The following DGKE variants were observed in gnomAD, a reference collection of about 807,000 sequenced individuals.
The protein encoded by DGKE is diacylglycerol kinase epsilon.
In DGKE, 53 loss-of-function variants were observed where a neutral mutation model predicts 70.0. That is an observed-to-expected ratio of 0.76 (90% CI 0.61 to 0.95). DGKE has a LOEUF of 0.95. Ranked by LOEUF, DGKE falls within the 40% of genes least tolerant of loss-of-function variation. The pLI is 0.00. For synonymous variants in DGKE, 291 were observed against 257.0 expected (o/e 1.13, Z -1.27); for missense variants, 655 against 706.9 (o/e 0.93, Z 0.83).
intron 9 of DGKE, 113 bp from the exon 10 acceptor site, chr17:56,861,678 A>G: frequency 1.4e-6 from 2 of 1,428,458 alleles, no homozygotes; most frequent in Non-Finnish European, 1.9e-6. Context: ...AGCATCTTCT[A>G]CATGTGCATC....
At chr17:56,844,364 C>G (rs1474032610) in intron 3 of DGKE, among the ~76,000 whole-genome samples, 186 bp downstream of exon 3, 3 of 152,104 alleles carry the variant, frequency 2.0e-5, no homozygotes, top group African/African-American at 7.2e-5. Flanking sequence ...TACCTAGTTC[C>G]TAGAGATGGG....
chr17:56,843,995 A>G (rs2144223060), intron 2 of DGKE, 24 bp from the exon 3 acceptor site: 1 of 1,530,724 alleles, frequency 6.5e-7, no homozygotes, highest in Non-Finnish European at 8.7e-7. Context: ...AAATTAGTTA[A>G]TGCTTGTTTC....
Position 56,864,180 on chromosome 17 carries a change from C to G in DGKE, c.*1389C>G, listed in dbSNP as rs776022902. On this transcript the variant is annotated 3_prime_UTR_variant, in exon 12 of 12. Coordinates refer to ENST00000284061, the MANE Select transcript of DGKE (RefSeq NM_003647.3). ...CGCTGCTGTTGACCAGCCCAAGGGT[C>G]GTGACCCACAGGTCGGCTGACCCAG... 4 of 152,324 alleles carry G rather than the reference C, an allele frequency of 2.6e-5. No homozygotes were observed. The South Asian group carries it at 8.3e-4, about 32-fold the overall frequency. 9.4% of individuals were successfully genotyped at this position (152,324 alleles called of 1,614,324 possible).
At chr17:56,854,908 G>A (rs890873787) in intron 7 of DGKE, among the ~76,000 whole-genome samples, 4 of 152,100 alleles carry the variant, frequency 2.6e-5, no homozygotes, top group African/African-American at 7.2e-5. Flanking sequence ...CAATCAAGTA[G>A]GGTCTGCTTA....
At chr17:56,845,928 A>G in intron 4 of DGKE, 119 bp downstream of exon 4, 1 of 1,119,908 alleles carries the variant, frequency 8.9e-7, no homozygotes, top group Non-Finnish European at 1.2e-6. Context: ...TTACAAAAAG[A>G]TCAGCCATTT....
intron 2 of DGKE, among the ~76,000 whole-genome samples, chr17:56,837,570 A>G (rs987618190): frequency 1.3e-5 from 2 of 152,224 alleles, no homozygotes; most frequent in African/African-American, 4.8e-5. Flanking sequence ...AGTGTTCTGA[A>G]CTGATTTATG....
intron 2 of DGKE, 103 bp downstream of exon 2, chr17:56,835,362 C>G (rs1906542960): frequency 8.0e-7 from 1 of 1,250,544 alleles, no homozygotes; most frequent in Non-Finnish European, 1.1e-6. Context: ...ATGACCTAAA[C>G]TCATTTTGAG....
Position 56,862,736 on chromosome 17 carries a change from C to T in DGKE, c.1649C>T (p.Thr550Ile). The T allele has an allele frequency of 6.2e-7, 1 of 1,608,130 alleles. No homozygotes were observed. Among genetic ancestry groups the T allele is most frequent in the Non-Finnish European group, 8.5e-7 (1 of 1,178,340 alleles). The change falls in exon 12 of 12, where the codon ACA becomes ATA. Residue 550 changes from threonine (T) to isoleucine (I), a missense_variant. Thr to Ile is a moderately conservative substitution (Grantham distance 89). Transcript: ENST00000284061. ...AMMLYFSGEQ[T>I]DDDISSTSDQ... ...ATGTTATATTTCTCTGGAGAACAAA[C>T]AGATGATGACATCTCTAGTACTTCG...
intron 2 of DGKE, among the ~76,000 whole-genome samples, chr17:56,841,606 T>A (rs918294303): frequency 1.1e-4 from 17 of 152,192 alleles, no homozygotes; most frequent in Admixed American, 2.0e-4. Context: ...GCGGTATTAA[T>A]AAGTGTTAGT....
Position 56,834,803 on chromosome 17 carries a change from C to A in DGKE, c.8C>A (p.Ala3Glu). The change falls in exon 2 of 12, where the codon GCG becomes GAG. Residue 3 changes from alanine (A) to glutamate (E), a missense_variant. By Grantham distance (107) the Ala-to-Glu change is moderately radical. Coordinates refer to ENST00000284061, the MANE Select transcript of DGKE (RefSeq NM_003647.3). ...GTATCGTCCTTGGAGAAGATGGAAG[C>A]GGAGAGGCGGCCGGCGCCGGGCTCG... is the stretch of plus-strand genomic sequence containing the variant. The part of the protein sequence containing the change: ME[A>E]ERRPAPGSPS... The A allele has an allele frequency of 4.4e-6, 7 of 1,600,640 alleles. No homozygotes were observed. The South Asian group carries it at 6.7e-5, about 15-fold the overall frequency.
Position 56,857,069 on chromosome 17 carries a change from A to G in DGKE, c.1212+444A>G, listed in dbSNP as rs1249914867. Reference sequence around the variant, plus strand: ...GCCGAGATCATACCACTGCACTCCAACTTGGGCAACAGAATGAAACTCCAT... The same window carrying G: ...GCCGAGATCATACCACTGCACTCCAGCTTGGGCAACAGAATGAAACTCCAT... On this transcript the variant is annotated intron_variant, in intron 8 of 11. Transcript: ENST00000284061. 2.0e-5 allele frequency among the ~76,000 whole-genome samples: 3 copies of G among 152,184 alleles called. No individual in the cohort carries two copies. The East Asian group carries it at 5.8e-4, about 29-fold the overall frequency.
chr17:56,848,134 A>G, intron 5 of DGKE, 69 bp downstream of exon 5: 2 of 924,414 alleles, frequency 2.2e-6, no homozygotes, highest in Non-Finnish European at 2.8e-6. Context: ...ATATATATAT[A>G]TGGGTTTTGT....
chr17:56,840,299 A>T (rs60745835), intron 2 of DGKE, among the ~76,000 whole-genome samples: 2,762 of 152,196 alleles, frequency 0.018, 89 homozygotes, highest in African/African-American at 0.063. Context: ...CTCTTGGGGG[A>T]GGGGAGAAGG....
At chr17:56,862,484 T>C (rs1908354870) in intron 11 of DGKE, 128 bp from the exon 12 acceptor site, 1 of 953,936 alleles carries the variant, frequency 1.0e-6, no homozygotes, top group Admixed American at 3.1e-5. Context: ...AATAAAAACA[T>C]ATTCAGATTA....
rs1908248117 is a variant in DGKE, at chr17:56,860,870, G to A, written c.1285-921G>A. On this transcript the variant is annotated intron_variant, in intron 9 of 11. Coordinates refer to ENST00000284061, the MANE Select transcript of DGKE (RefSeq NM_003647.3). The stretch of plus-strand genomic sequence containing the variant: ...GACAAGCGCTGAGGCTAGAGAGATG[G>A]ACAGAAGTCAAATCACAGAGTGTCA... 2.0e-5 allele frequency among the ~76,000 whole-genome samples: 3 copies of A among 152,286 alleles called. No homozygotes were observed. In the South Asian group the frequency reaches 6.2e-4, roughly 32 times the overall value.
chr17:56,836,313 G>A (rs1485366896), intron 2 of DGKE: 2 of 152,064 alleles, frequency 1.3e-5, no homozygotes, highest in Admixed American at 6.6e-5. Context: ...TATCAAAGAG[G>A]CTTAAGAATA....
chr17:56,857,569 G>T (rs994535245), intron 8 of DGKE, among the ~76,000 whole-genome samples: 1 of 151,992 alleles, frequency 6.6e-6, no homozygotes, highest in African/African-American at 2.4e-5. Flanking sequence ...AAGGTAATAC[G>T]TATTACTATT....
intron 7 of DGKE, 46 bp downstream of exon 7, chr17:56,849,278 A>T: frequency 6.5e-7 from 1 of 1,549,064 alleles, no homozygotes; most frequent in Non-Finnish European, 8.9e-7. Flanking sequence ...GCTTCATTGC[A>T]CAAGATACGG....
intron 11 of DGKE, 145 bp from the exon 12 acceptor site, chr17:56,862,467 A>G (rs375156288): frequency 1.1e-6 from 1 of 928,034 alleles, no homozygotes. Context: ...GAATTCCTTA[A>G]TCAATGAATA....
Sources: gnomAD v4.1 joint callset for allele counts (sites outside exome capture counted in the v4.1 genomes callset) on GRCh38, gnomAD v4.1.1 for gene constraint, MANE v1.5 for transcripts, NCBI Gene and HGNC (gene_info 2026-07-23, HGNC 2026-07-21) for gene names.